SLC2A9: variants seen among roughly 807,000 people sequenced by gnomAD.
The protein encoded by SLC2A9 is solute carrier family 2, facilitated glucose transporter member 9.
Under a neutral mutation model 50.6 loss-of-function variants are expected in SLC2A9, and 39 were observed. The ratio of observed to expected loss-of-function variants is 0.77; its 90% CI spans 0.60 to 1.01. The LOEUF (loss-of-function observed/expected upper bound fraction) is 1.01. Among genes scored for constraint, SLC2A9 ranks in the 50% least tolerant of loss-of-function variants. The pLI, the probability that SLC2A9 is intolerant of heterozygous loss-of-function variation, is 0.00. For missense variants in SLC2A9, 686 were observed against 677.6 expected (o/e 1.01, Z -0.14); for synonymous variants, 324 against 276.9 (o/e 1.17, Z -1.69).
chr4:9,830,363 G>C, intron 11 of SLC2A9, among the ~76,000 whole-genome samples: 1 of 152,200 alleles, frequency 6.6e-6, no homozygotes, highest in African/African-American at 2.4e-5. Flanking sequence ...CTATCAGGGG[G>C]TTGTGGTGGA....
intron 5 of SLC2A9, among the ~76,000 whole-genome samples, chr4:9,947,603 T>A (rs945928517): frequency 1.3e-5 from 2 of 152,224 alleles, no homozygotes; most frequent in African/African-American, 4.8e-5. Context: ...CTATTAATAA[T>A]TCCTAGAGCT....
intron 5 of SLC2A9, among the ~76,000 whole-genome samples, chr4:9,969,133 A>C (rs1753499242): frequency 6.6e-6 from 1 of 152,202 alleles, no homozygotes; most frequent in African/African-American, 2.4e-5. Flanking sequence ...CATCTTGTAG[A>C]GATATTAAAT....
At chr4:9,891,649 C>T (rs1054610938) in intron 8 of SLC2A9, among the ~76,000 whole-genome samples, 3 of 152,156 alleles carry the variant, frequency 2.0e-5, no homozygotes, top group Admixed American at 6.5e-5. Flanking sequence ...GGTGAGATAA[C>T]AGCAGACATC....
At position 9,840,697 on chromosome 4, in the gene SLC2A9, G is replaced by C. The variant is rs192637294; in HGVS notation, c.1292-5689C>G. On this transcript the variant is annotated intron_variant, in intron 10 of 11. Coordinates refer to ENST00000264784, the MANE Select transcript of SLC2A9 (RefSeq NM_020041.3). ...TGCCTTTTTCTACCTAGAACCCTGA[G>C]GAAATTGTTCTTTATCTTTGAAATT... is the stretch of plus-strand genomic sequence containing the variant. Among the ~76,000 whole-genome samples the C allele has an allele frequency of 2.9e-3, 448 of 152,196 alleles. 2 individuals are homozygous for C. The highest frequency in any genetic ancestry group is 0.01 in the African/African-American group (423 of 41,544).
chr4:9,834,600 G>T (rs1334378359), intron 11 of SLC2A9, among the ~76,000 whole-genome samples: 3 of 152,198 alleles, frequency 2.0e-5, no homozygotes, highest in Non-Finnish European at 4.4e-5. Context: ...TAAGTAGGTT[G>T]TAGGTTTGAG....
chr4:10,029,271 C>A (rs894693136), intron 1 of SLC2A9: 1 of 152,200 alleles, frequency 6.6e-6, no homozygotes, highest in Non-Finnish European at 1.5e-5. Flanking sequence ...TTTAATGGAT[C>A]TGAGATGGGG....
chr4:9,804,543 C>T (rs1210782479), intron 3 of SLC2A9, among the ~76,000 whole-genome samples: 2 of 152,152 alleles, frequency 1.3e-5, no homozygotes, highest in South Asian at 2.1e-4. Context: ...TTTGCTGACT[C>T]ACCACCACAT....
intron 10 of SLC2A9, among the ~76,000 whole-genome samples, chr4:9,855,762 G>T (rs1730628320): frequency 6.6e-6 from 1 of 152,080 alleles, no homozygotes; most frequent in African/African-American, 2.4e-5. Context: ...TACAAAAACA[G>T]ACACATATAC....
intron 3 of SLC2A9, among the ~76,000 whole-genome samples, chr4:9,800,555 T>C (rs1721257295): frequency 6.6e-6 from 1 of 152,306 alleles, no homozygotes; most frequent in East Asian, 1.9e-4. Context: ...TCCTCCAGAA[T>C]TGTGAGAAAA....
In SLC2A9 at chr4:9,980,762, G is replaced by C. The variant is rs749184205; in HGVS notation, c.536-25C>G. 3 of 1,614,160 alleles carry C rather than the reference G, an allele frequency of 1.9e-6. No individual in the cohort carries two copies. In the South Asian group the frequency reaches 3.3e-5, roughly 18 times the overall value. The stretch of plus-strand genomic sequence containing the variant: ...CCTGTAGAGAGAAAGCATAGCAGCA[G>C]TTAGAGAGGTGTCTTCCCGGGGGAG... On this transcript the variant is annotated intron_variant, in intron 4 of 11. Transcript: ENST00000264784.
At chr4:9,954,296 C>A (rs1164710243) in intron 5 of SLC2A9, among the ~76,000 whole-genome samples, 1 of 152,278 alleles carries the variant, frequency 6.6e-6, no homozygotes, top group East Asian at 1.9e-4. Context: ...TTTCACACAG[C>A]CCAAAGGGCC....
At chr4:9,775,541 A>G (rs897177192), downstream of SLC2A9, among the ~76,000 whole-genome samples, 4 of 151,826 alleles carry the variant, frequency 2.6e-5, no homozygotes, top group Non-Finnish European at 2.9e-5. Context: ...AGTTGTTTTG[A>G]CCATGGGGGT....
intron 3 of SLC2A9, among the ~76,000 whole-genome samples, chr4:9,785,588 C>T (rs1452305350): frequency 2.6e-5 from 4 of 152,178 alleles, no homozygotes; most frequent in Non-Finnish European, 5.9e-5. Flanking sequence ...GTTCTAGGCT[C>T]CAGTTTAAAT....
At chr4:9,880,299 G>A in intron 10 of SLC2A9, 2 of 985,536 alleles carry the variant, frequency 2.0e-6, no homozygotes, top group Non-Finnish European at 2.4e-6. Context: ...AGCCAGCGAG[G>A]CCCAGGTGCT....
chr4:9,800,746 A>C (rs1028954793), intron 3 of SLC2A9, among the ~76,000 whole-genome samples: 1 of 152,252 alleles, frequency 6.6e-6, no homozygotes, highest in Non-Finnish European at 1.5e-5. Context: ...TTTACAACGC[A>C]TCAGGTATTA....
At chr4:10,007,636 T>C (rs939592328) in intron 2 of SLC2A9, among the ~76,000 whole-genome samples, 13 of 152,244 alleles carry the variant, frequency 8.5e-5, no homozygotes, top group African/African-American at 3.1e-4. Flanking sequence ...TGAGCCTTCC[T>C]CCTGCTGGAA....
intron 8 of SLC2A9, among the ~76,000 whole-genome samples, chr4:9,902,784 G>C (rs747652303): frequency 1.3e-5 from 2 of 152,108 alleles, no homozygotes; most frequent in Non-Finnish European, 2.9e-5. Flanking sequence ...CAGTATAACC[G>C]TATCTTACCT....
chr4:9,950,286 G>T (rs1260884927), intron 5 of SLC2A9, among the ~76,000 whole-genome samples: 1 of 152,092 alleles, frequency 6.6e-6, no homozygotes, highest in East Asian at 1.9e-4. Flanking sequence ...TTTCTCTGTT[G>T]GAAATAATAA....
At chr4:9,790,340 T>C (rs1719750201) in intron 3 of SLC2A9, among the ~76,000 whole-genome samples, 1 of 152,234 alleles carries the variant, frequency 6.6e-6, no homozygotes, top group Non-Finnish European at 1.5e-5. Context: ...AATGGGTAAT[T>C]AGACCTCAGT....
Sources: gnomAD v4.1 joint callset for allele counts (sites outside exome capture counted in the v4.1 genomes callset) on GRCh38, gnomAD v4.1.1 for gene constraint, MANE v1.5 for transcripts, NCBI Gene and HGNC (gene_info 2026-07-23, HGNC 2026-07-21) for gene names.